The following SLC12A1 variants were observed in gnomAD, a reference collection of about 807,000 sequenced individuals.
The protein encoded by SLC12A1 is solute carrier family 12 member 1, also known as Na-K-2Cl cotransporter.
In SLC12A1, 89 loss-of-function variants were observed where a neutral mutation model predicts 130.4. That is an observed-to-expected ratio of 0.68 (90% CI 0.58 to 0.81). The LOEUF (loss-of-function observed/expected upper bound fraction) is 0.81. Ranked by LOEUF, SLC12A1 falls within the 40% of genes least tolerant of loss-of-function variation. The probability of loss-of-function intolerance (pLI) is 0.00; values close to 1 mark genes in which losing one functional copy is unlikely to be tolerated. For synonymous variants in SLC12A1, 499 were observed against 460.0 expected, an observed-to-expected ratio of 1.08 and a Z score of -1.09; for missense variants, 1,310 against 1,336.4, an observed-to-expected ratio of 0.98 and a Z score of 0.31.
Position 48,264,174 on chromosome 15 carries a change from T to C in SLC12A1, c.2155-3387T>C, listed in dbSNP as rs145229485. Among the ~76,000 whole-genome samples, 741 of 152,338 alleles carry C rather than the reference T, an allele frequency of 4.9e-3. 8 individuals are homozygous for C. The highest frequency in any genetic ancestry group is 0.044 in the Middle Eastern group (13 of 294). ...TCTATTTTCATTCATGTTTTTCTTATTCATTAATGTTACTTTAAACCTGAT... is the reference window on the plus strand; with the variant it reads ...TCTATTTTCATTCATGTTTTTCTTACTCATTAATGTTACTTTAAACCTGAT... On this transcript the variant is annotated intron_variant, in intron 17 of 26. Coordinates refer to ENST00000380993, the MANE Select transcript of SLC12A1 (RefSeq NM_000338.3).
rs1311058561 is a variant in SLC12A1, at chr15:48,303,930, A to G, written c.*1045A>G. 3.3e-5 allele frequency: 5 copies of G among 152,252 alleles called. No individual in the cohort carries two copies. Among genetic ancestry groups the G allele is most frequent in the Non-Finnish European group, 5.9e-5 (4 of 68,044 alleles). The allele number at this position is 152,252 out of a possible 1,614,324, so 9.4% of individuals were successfully genotyped here. On this transcript the variant is annotated 3_prime_UTR_variant, in exon 27 of 27. Transcript: ENST00000380993. Reference sequence around the variant, plus strand: ...TTTTTTCATTTTTGTTAGTATACCTATAATACATAATCACATTGACAAACC... The same window carrying G: ...TTTTTTCATTTTTGTTAGTATACCTGTAATACATAATCACATTGACAAACC...
intron 9 of SLC12A1, 57 bp downstream of exon 9, chr15:48,235,061 C>G (rs899758484): frequency 1.3e-6 from 2 of 1,572,890 alleles, no homozygotes; most frequent in Non-Finnish European, 1.7e-6. Flanking sequence ...TGGTGGGTAG[C>G]ACAAGGAGCT....
intron 9 of SLC12A1, among the ~76,000 whole-genome samples, chr15:48,235,814 G>A (rs182052001): frequency 3.3e-5 from 5 of 152,166 alleles, no homozygotes; most frequent in East Asian, 1.9e-4. Flanking sequence ...TTGTTTCACC[G>A]TTACTTTGGG....
chr15:48,281,787 A>T (rs1457910857), intron 20 of SLC12A1, among the ~76,000 whole-genome samples: 1 of 152,214 alleles, frequency 6.6e-6, no homozygotes, highest in Admixed American at 6.5e-5. Flanking sequence ...TGATAGAAAA[A>T]GTAATTTTTA....
chr15:48,206,791 T>C (rs1029349448), intron 1 of SLC12A1, among the ~76,000 whole-genome samples: 1 of 152,158 alleles, frequency 6.6e-6, no homozygotes, highest in African/African-American at 2.4e-5. Context: ...TACCTAAACA[T>C]AGCAGAGGAC....
intron 20 of SLC12A1, among the ~76,000 whole-genome samples, chr15:48,284,746 C>T (rs539775123): frequency 6.6e-6 from 1 of 152,172 alleles, no homozygotes; most frequent in African/African-American, 2.4e-5. Context: ...CTCAGGTGAT[C>T]CTCTCACCTC....
intron 15 of SLC12A1, among the ~76,000 whole-genome samples, chr15:48,255,100 T>TTTG (rs1247130888): frequency 1.3e-5 from 2 of 151,968 alleles, no homozygotes; most frequent in African/African-American, 2.4e-5. Context: ...ATATAAAGAT[T>TTTG]ACTGCACACT....
chr15:48,260,025 T>A (rs1040193970), intron 17 of SLC12A1, among the ~76,000 whole-genome samples: 2 of 152,034 alleles, frequency 1.3e-5, no homozygotes, highest in African/African-American at 4.8e-5. Flanking sequence ...CCCAGCGCTT[T>A]GGGAGGCCAA....
Position 48,209,935 on chromosome 15 carries a change from A to AT in SLC12A1, c.420+1800dup, listed in dbSNP as rs1355499518. Among the ~76,000 whole-genome samples the AT allele has an allele frequency of 2.0e-5, 3 of 152,314 alleles. No individual in the cohort carries two copies. In the East Asian group the frequency reaches 5.8e-4, roughly 29 times the overall value. ...GTTTCCTTATAGACCTAAGATTTAGATTTTATCTGGCATATTTGATGCTTT... is the reference window on the plus strand; with the variant it reads ...GTTTCCTTATAGACCTAAGATTTAGATTTTTATCTGGCATATTTGATGCTTT... On this transcript the variant is annotated intron_variant, in intron 2 of 26. Coordinates refer to ENST00000380993, the MANE Select transcript of SLC12A1 (RefSeq NM_000338.3).
chr15:48,299,235 G>A lies in SLC12A1; in HGVS notation c.3056G>A (p.Trp1019Ter). The change falls in exon 25 of 27, where the codon TGG (tryptophan) becomes TAG (stop). Residue 1019 changes from tryptophan to a stop codon, truncating the protein, a stop_gained. Coordinates refer to ENST00000380993, the MANE Select transcript of SLC12A1 (RefSeq NM_000338.3). LOFTEE classifies it high-confidence loss of function. ...GAGAAATTAAAAAGAGAAACTCCGT[G>A]GAAAATTACAGATGCAGAACTGGAA... ...TAEKLKRETP[W>*]KITDAELEAV... The A allele has an allele frequency of 1.2e-6, 2 of 1,607,260 alleles. No individual in the cohort carries two copies. The highest frequency in any genetic ancestry group is 1.7e-6 in the Non-Finnish European group (2 of 1,177,810).
At position 48,302,960 on chromosome 15, in the gene SLC12A1, T is replaced by A; in HGVS notation, c.*75T>A. On this transcript the variant is annotated 3_prime_UTR_variant, in exon 27 of 27. Coordinates refer to ENST00000380993, the MANE Select transcript of SLC12A1 (RefSeq NM_000338.3). ...AAACATGTTCCAGTACTTTATGTTGTAAATCTGATCTATGGATATGCAAAC... is the reference window on the plus strand; with the variant it reads ...AAACATGTTCCAGTACTTTATGTTGAAAATCTGATCTATGGATATGCAAAC... The A allele has an allele frequency of 1.7e-6, 2 of 1,171,330 alleles. No individual in the cohort carries two copies. Among genetic ancestry groups the A allele is most frequent in the Non-Finnish European group, 2.4e-6 (2 of 818,058 alleles). 72.6% of individuals were successfully genotyped at this position (1,171,330 alleles called of 1,614,324 possible). A position where few individuals can be genotyped will look rare whatever the true frequency, so the allele number is the denominator to read the frequency against.
At chr15:48,254,816 CG>C (rs2041687510) in intron 15 of SLC12A1, among the ~76,000 whole-genome samples, 1 of 151,030 alleles carries the variant, frequency 6.6e-6, no homozygotes, top group African/African-American at 2.4e-5. Flanking sequence ...CCCAGCTACT[CG>C]GGAGGCTGAG....
rs529619034 is a variant in SLC12A1 at position 48,212,049 on chromosome 15, C to T, written c.420+3910C>T. On this transcript the variant is annotated intron_variant, in intron 2 of 26. Transcript: ENST00000380993. ...TATTGTATGAACTACATAACTTCTA[C>T]TTATCTTGCAAGATGCTTGTGAACA... Among the ~76,000 whole-genome samples the T allele has an allele frequency of 4.6e-5, 7 of 152,232 alleles. No homozygotes were observed. The South Asian group carries it at 8.3e-4, about 18-fold the overall frequency.
chr15:48,301,925 A>T (rs1385634535), intron 26 of SLC12A1, among the ~76,000 whole-genome samples: 1 of 152,228 alleles, frequency 6.6e-6, no homozygotes, highest in African/African-American at 2.4e-5. Flanking sequence ...GTATTTAAAC[A>T]AGAAAATCTC....
chr15:48,226,282 C>A, intron 4 of SLC12A1, 194 bp from the exon 5 acceptor site: 1 of 504,136 alleles, frequency 2.0e-6, no homozygotes, highest in East Asian at 3.5e-5. Flanking sequence ...GGAAACCATC[C>A]TTCATCATAA....
At chr15:48,294,899 T>TTTTATTTTATTTATTTATTTATTTATTTA in intron 24 of SLC12A1, among the ~76,000 whole-genome samples, 1 of 147,436 alleles carries the variant, frequency 6.8e-6, no homozygotes, top group Middle Eastern at 3.4e-3. Flanking sequence ...CTTCTTTTTA[T>TTTTATTTTATTTATTTATTTATTTATTTA]TTTATTTATT....
At chr15:48,218,140 C>CA (rs984168620) in intron 2 of SLC12A1, among the ~76,000 whole-genome samples, 2 of 152,152 alleles carry the variant, frequency 1.3e-5, no homozygotes, top group Admixed American at 1.3e-4. Context: ...TGGCCTGCTA[C>CA]ATGCCAAGCC....
chr15:48,255,319 T>A (rs1218405463), intron 15 of SLC12A1, among the ~76,000 whole-genome samples: 1 of 151,750 alleles, frequency 6.6e-6, no homozygotes, highest in East Asian at 1.9e-4. Context: ...GTGCCTGTAG[T>A]CACAGCTACT....
chr15:48,294,665 A>G (rs2042156350), intron 24 of SLC12A1, among the ~76,000 whole-genome samples: 1 of 152,212 alleles, frequency 6.6e-6, no homozygotes, highest in South Asian at 2.1e-4. Flanking sequence ...TGATATAATC[A>G]AACAAGCTCA....
Sources: allele counts gnomAD v4.1 joint callset (sites outside exome capture counted in the v4.1 genomes callset), GRCh38; gene constraint gnomAD v4.1.1; transcripts MANE v1.5; gene names NCBI Gene and HGNC (gene_info 2026-07-23, HGNC 2026-07-21).